The following SALL3 variants were observed in gnomAD, a reference collection of about 807,000 sequenced individuals.
SALL3 encodes spalt like transcription factor 3.
SALL3 carries 25 observed loss-of-function variants against 66.2 expected under a neutral mutation model. The ratio of observed to expected loss-of-function variants is 0.38; its 90% confidence interval spans 0.28 to 0.53. The LOEUF is 0.53. SALL3 is among the 20% of genes least tolerant of loss of function. SALL3 has a pLI of 0.85. For synonymous variants in SALL3, 1,152 were observed against 899.1 expected (o/e 1.28, Z -5.03); for missense variants, 2,194 against 1,916.5 (o/e 1.14, Z -2.70).
intron 1 of SALL3, among the ~76,000 whole-genome samples, chr18:78,988,222 G>A (rs746814383): frequency 1.3e-5 from 2 of 152,174 alleles, no homozygotes; most frequent in Non-Finnish European, 2.9e-5. Context: ...TTTAAATGAT[G>A]GCAGGATTAA....
In SALL3 at chr18:78,980,122, C is replaced by T. The variant is rs1260819962; in HGVS notation, c.-153C>T. Among the ~76,000 whole-genome samples the T allele has an allele frequency of 2.1e-5, 3 of 146,104 alleles. No homozygotes were observed. The East Asian group carries it at 5.9e-4, about 29-fold the overall frequency. ...CCTCCGCTAATGGCCATGCATTATTCACCAGCCTAATTGCTCAGCCCCATG... is the reference window on the plus strand; with the variant it reads ...CCTCCGCTAATGGCCATGCATTATTTACCAGCCTAATTGCTCAGCCCCATG... On this transcript the variant is annotated 5_prime_UTR_variant, in exon 1 of 3. Transcript: ENST00000537592.
Position 78,980,008 on chromosome 18 carries a change from C to A in SALL3, c.-267C>A, listed in dbSNP as rs1284644573. Among the ~76,000 whole-genome samples the A allele has an allele frequency of 2.7e-5, 4 of 145,818 alleles. No individual in the cohort carries two copies. The highest frequency in any genetic ancestry group is 6.8e-5 in the Admixed American group (1 of 14,724). On this transcript the variant is annotated 5_prime_UTR_variant, in exon 1 of 3. Coordinates refer to ENST00000537592, the MANE Select transcript of SALL3 (RefSeq NM_171999.4). The stretch of plus-strand genomic sequence containing the variant: ...CCCCGGTCCCGAGGCGCCGCGGCCC[C>A]CTCCTCGTCGGCGCGGCCGCTAATT...
Position 78,993,615 on chromosome 18 carries a change from G to A in SALL3, c.1624G>A (p.Asp542Asn), listed in dbSNP as rs765044497. ...PTVPGAHGYA[D>N]SPSATPASRS... The stretch of plus-strand genomic sequence containing the variant: ...TGTCCCTGGCGCGCACGGCTACGCC[G>A]ACTCTCCCAGCGCCACCCCAGCCAG... The change falls in exon 2 of 3, where the codon GAC (aspartate) becomes AAC (asparagine). Residue 542 changes from aspartate (D) to asparagine (N), a missense_variant. Transcript: ENST00000537592. The A allele has an allele frequency of 6.9e-6, 11 of 1,584,856 alleles. No individual in the cohort carries two copies. Among genetic ancestry groups the A allele is most frequent in the Admixed American group, 3.4e-5 (2 of 58,584 alleles).
rs1914746614 is a variant in SALL3 at position 78,997,682 on chromosome 18, G to A, written c.*360G>A. 3.7e-6 allele frequency: 1 copy of A among 270,794 alleles called. No individual in the cohort carries two copies. The highest frequency in any genetic ancestry group is 7.0e-6 in the Non-Finnish European group (1 of 143,494). 16.8% of individuals were successfully genotyped at this position (270,794 alleles called of 1,614,324 possible). On this transcript the variant is annotated 3_prime_UTR_variant, in exon 3 of 3. Coordinates refer to ENST00000537592, the MANE Select transcript of SALL3 (RefSeq NM_171999.4). ...GTATTCCAGTGAAACTCATTTGATGGTTTCTTTTGAATTAGTTAGACACTT... is the reference window on the plus strand; with the variant it reads ...GTATTCCAGTGAAACTCATTTGATGATTTCTTTTGAATTAGTTAGACACTT...
rs1914532974 is a variant in SALL3, at chr18:78,993,175, A to G, written c.1184A>G (p.Lys395Arg). 1 of 1,609,478 alleles carries G rather than the reference A, an allele frequency of 6.2e-7. No homozygotes were observed. Among genetic ancestry groups the G allele is most frequent in the Non-Finnish European group, 8.5e-7 (1 of 1,178,886 alleles). Residue 395 changes from lysine (K) to arginine (R), a missense_variant, in exon 2 of 3, where the codon AAG (lysine) becomes AGG (arginine). Physicochemically the swap from Lys to Arg is conservative, Grantham distance 26. Coordinates refer to ENST00000537592, the MANE Select transcript of SALL3 (RefSeq NM_171999.4). ...NALDPLSALM[K>R]HRKGKPPNVS... Reference sequence around the variant, plus strand: ...CTGGACCCGCTGTCCGCGCTCATGAAGCACCGCAAGGGCAAGCCGCCCAAT... The same window carrying G: ...CTGGACCCGCTGTCCGCGCTCATGAGGCACCGCAAGGGCAAGCCGCCCAAT...
At chr18:78,991,989 A>G in intron 1 of SALL3, 85 bp from the exon 2 acceptor site, 1 of 1,163,310 alleles carries the variant, frequency 8.6e-7, no homozygotes, top group Non-Finnish European at 1.1e-6. Context: ...TGTACAAAAT[A>G]AAAAATATTG....
At chr18:78,995,782 G>A (rs1434897113) in intron 2 of SALL3, among the ~76,000 whole-genome samples, 1 of 152,062 alleles carries the variant, frequency 6.6e-6, no homozygotes, top group Non-Finnish European at 1.5e-5. Flanking sequence ...GTGTGCAAAT[G>A]TGCATGTCGT....
In SALL3 at chr18:78,989,889, G is replaced by T. The variant is rs554364953; in HGVS notation, c.83-2185G>T. 5.9e-5 allele frequency among the ~76,000 whole-genome samples: 9 copies of T among 152,304 alleles called. No individual in the cohort carries two copies. In the East Asian group the frequency reaches 1.7e-3, roughly 29 times the overall value. On this transcript the variant is annotated intron_variant, in intron 1 of 2. Transcript: ENST00000537592. Reference sequence around the variant, plus strand: ...GGTTTAATGCAGATGAACTTTTTAAGTGGCTACTTAGATTTTTGTTTTTAA... The same window carrying T: ...GGTTTAATGCAGATGAACTTTTTAATTGGCTACTTAGATTTTTGTTTTTAA...
chr18:78,980,654 G>C, intron 1 of SALL3, among the ~76,000 whole-genome samples: 1 of 151,652 alleles, frequency 6.6e-6, no homozygotes, highest in Non-Finnish European at 1.5e-5. Flanking sequence ...TCGGAGGCCG[G>C]GGCGGGAGGG....
At position 78,994,532 on chromosome 18, in the gene SALL3, G is replaced by A. The variant is rs778786795; in HGVS notation, c.2541G>A (p.Met847Ile). ...ISSIAALENQMKMIDSVMSCQ... is the reference protein window; with the variant it reads ...ISSIAALENQIKMIDSVMSCQ... Reference sequence around the variant, plus strand: ...GCATTGCCGCCCTGGAGAACCAGATGAAGATGATCGACTCGGTCATGAGCT... The same window carrying A: ...GCATTGCCGCCCTGGAGAACCAGATAAAGATGATCGACTCGGTCATGAGCT... Residue 847 changes from methionine to isoleucine, a missense_variant, in exon 2 of 3, where the codon ATG becomes ATA. Coordinates refer to ENST00000537592, the MANE Select transcript of SALL3 (RefSeq NM_171999.4). The A allele has an allele frequency of 7.5e-6, 12 of 1,605,712 alleles. No homozygotes were observed. The highest frequency in any genetic ancestry group is 9.3e-6 in the Non-Finnish European group (11 of 1,176,892).
In SALL3 at chr18:78,994,980, C is replaced by G. The variant is rs1247042478; in HGVS notation, c.2989C>G (p.Arg997Gly). The G allele has an allele frequency of 1.2e-6, 2 of 1,613,800 alleles. No homozygotes were observed. The highest frequency in any genetic ancestry group is 3.3e-5 in the Admixed American group (2 of 60,032). The change falls in exon 2 of 3, where the codon CGC (arginine) becomes GGC (glycine). Residue 997 changes from arginine to glycine, a missense_variant. Arg to Gly is a moderately radical substitution (Grantham distance 125). Coordinates refer to ENST00000537592, the MANE Select transcript of SALL3 (RefSeq NM_171999.4). ...ACKSALEIHY[R>G]SHTKERPFVC... ...CAAGAGCGCGTTGGAAATCCACTAC[C>G]GCAGCCATACTAAGGAGCGGCCATT...
Position 78,993,699 on chromosome 18 carries a change from C to A in SALL3, c.1708C>A (p.Leu570Ile). The A allele has an allele frequency of 6.4e-7, 1 of 1,573,464 alleles. No homozygotes were observed. Among genetic ancestry groups the A allele is most frequent in the Non-Finnish European group, 8.6e-7 (1 of 1,167,010 alleles). Residue 570 changes from leucine to isoleucine, a missense_variant, in exon 2 of 3, where the codon CTC becomes ATC. Coordinates refer to ENST00000537592, the MANE Select transcript of SALL3 (RefSeq NM_171999.4). ...CGAGTGCGCCTCCTTGTCCCCAGGC[C>A]TCAACCACGTGGAGTCCGGCGTGTC... ...SSECASLSPG[L>I]NHVESGVSAT...
intron 1 of SALL3, among the ~76,000 whole-genome samples, chr18:78,987,462 A>G (rs1407116696): frequency 6.6e-6 from 1 of 152,140 alleles, no homozygotes; most frequent in East Asian, 1.9e-4. Flanking sequence ...GGCCTGTGGG[A>G]CCTTCCTCCC....
Position 78,992,327 on chromosome 18 carries a change from C to CGAGGAGGCGGGTGCG in SALL3, c.341_355dup (p.Glu114_Glu118dup). Reference sequence around the variant, plus strand: ...GCGAGCGCGCCGAAAGCGAGGCGGCCGAGGAGGCGGGTGCGGAGGGCGCGG... The same window carrying CGAGGAGGCGGGTGCG: ...GCGAGCGCGCCGAAAGCGAGGCGGCCGAGGAGGCGGGTGCGGAGGAGGCGGGTGCGGAGGGCGCGG... On this transcript the variant is annotated inframe_insertion, in exon 2 of 3. Transcript: ENST00000537592. The CGAGGAGGCGGGTGCG allele has an allele frequency of 6.9e-7, 1 of 1,450,564 alleles. No individual in the cohort carries two copies. The highest frequency in any genetic ancestry group is 9.0e-7 in the Non-Finnish European group (1 of 1,109,230). 89.9% of individuals were successfully genotyped at this position (1,450,564 alleles called of 1,614,324 possible). A position where few individuals can be genotyped will look rare whatever the true frequency, so the allele number is the denominator to read the frequency against.
In SALL3 at chr18:78,995,443, C is replaced by T. The variant is rs1171705494; in HGVS notation, c.3452C>T (p.Thr1151Ile). The T allele has an allele frequency of 6.4e-7, 1 of 1,572,258 alleles. No homozygotes were observed. The highest frequency in any genetic ancestry group is 8.6e-7 in the Non-Finnish European group (1 of 1,166,766). ...FGCTICGRAF[T>I]TKGNLKVHMG... ...TGCACCATCTGCGGCCGGGCCTTCA[C>T]CACTAAGGGCAACCTCAAGGTAAGA... Residue 1151 changes from threonine to isoleucine, a missense_variant, in exon 2 of 3, where the codon ACC becomes ATC. Transcript: ENST00000537592.
At chr18:78,985,269 C>T (rs774652384) in intron 1 of SALL3, among the ~76,000 whole-genome samples, 20 of 152,320 alleles carry the variant, frequency 1.3e-4, no homozygotes, top group Non-Finnish European at 2.5e-4. Flanking sequence ...CGCGAGCTTG[C>T]GCCGTGCTGC....
chr18:78,993,836 G>C lies in SALL3; in HGVS notation c.1845G>C (p.Ala615=), dbSNP rs774733461. ...NARAGDAPVG[A]QASAAPTSVD... is the part of the protein sequence containing the mutation. ...GGGCCGGGGACGCTCCCGTGGGCGC[G>C]CAGGCTAGCGCTGCACCCACATCGG... Residue 615 remains alanine (A), a synonymous_variant, in exon 2 of 3, where the codon GCG becomes GCC. Coordinates refer to ENST00000537592, the MANE Select transcript of SALL3 (RefSeq NM_171999.4). 52 of 1,549,654 alleles carry C rather than the reference G, an allele frequency of 3.4e-5. No homozygotes were observed. Among genetic ancestry groups the C allele is most frequent in the Non-Finnish European group, 4.4e-5 (51 of 1,149,760 alleles).
rs1913954247 is a variant in SALL3, at chr18:78,980,155, C to T, written c.-120C>T. 1 of 185,726 alleles carries T rather than the reference C, an allele frequency of 5.4e-6. No homozygotes were observed. The highest frequency in any genetic ancestry group is 9.8e-6 in the Non-Finnish European group (1 of 102,158). The allele number at this position is 185,726 out of a possible 1,614,324, so 11.5% of individuals were successfully genotyped here. On this transcript the variant is annotated 5_prime_UTR_variant, in exon 1 of 3. Coordinates refer to ENST00000537592, the MANE Select transcript of SALL3 (RefSeq NM_171999.4). ...TAATTGCTCAGCCCCATGCGCGGCC[C>T]GCGCAGCCGCCGCCGCCCCGCGCCC...
Position 78,992,551 on chromosome 18 carries a change from C to A in SALL3, c.560C>A (p.Ala187Glu). 3 of 1,498,284 alleles carry A rather than the reference C, an allele frequency of 2.0e-6. No homozygotes were observed. The highest frequency in any genetic ancestry group is 2.9e-5 in the African/African-American group (2 of 68,888). The allele number at this position is 1,498,284 out of a possible 1,614,324, so 92.8% of individuals were successfully genotyped here. The change falls in exon 2 of 3, where the codon GCG becomes GAG. Residue 187 changes from alanine (A) to glutamate (E), a missense_variant. Transcript: ENST00000537592. The stretch of plus-strand genomic sequence containing the variant: ...GCGCAGTTCTCGCAGGGCGCGCGCG[C>A]GGCAGGCGGCTCGGGAGCAGGTGGA... Reference protein sequence around the residue: ...AVAQFSQGARAAGGSGAGGGV... With the variant: ...AVAQFSQGAREAGGSGAGGGV...
Sources: gnomAD v4.1 joint callset for allele counts (sites outside exome capture counted in the v4.1 genomes callset) on GRCh38, gnomAD v4.1.1 for gene constraint, MANE v1.5 for transcripts, NCBI Gene and HGNC (gene_info 2026-07-23, HGNC 2026-07-21) for gene names.